The following LRRC37A variants were observed in gnomAD, a reference collection of about 807,000 sequenced individuals.
LRRC37A encodes leucine rich repeat containing 37A.
LRRC37A carries 3 observed loss-of-function variants against 35.4 expected under a neutral mutation model. That is an observed-to-expected ratio of 0.08 (90% CI 0.04 to 0.22). The LOEUF is 0.22. Ranked by LOEUF, LRRC37A falls within the 10% of genes least tolerant of loss-of-function variation. The pLI is 1.00. For synonymous variants in LRRC37A, 23 were observed against 215.0 expected (o/e 0.11, Z 7.81); for missense variants, 67 against 565.3 (o/e 0.12, Z 8.94).
chr17:46,277,252 C>T, the LRRC37A span, among the ~76,000 whole-genome samples: 9 of 152,214 alleles, frequency 5.9e-5, no homozygotes, highest in African/African-American at 1.7e-4. Flanking sequence ...CTACACTATG[C>T]GGGCCCAGCC....
At chr17:46,255,658 G>T in the LRRC37A span, among the ~76,000 whole-genome samples, 9 of 150,868 alleles carry the variant, frequency 6.0e-5, no homozygotes, top group Non-Finnish European at 1.3e-4. Flanking sequence ...GAGCCACCGC[G>T]CCCGGCCCCC....
At chr17:46,314,634 A>G (rs1234202857) in intron 5 of LRRC37A, among the ~76,000 whole-genome samples, 1 of 72,724 alleles carries the variant, frequency 1.4e-5, no homozygotes, top group African/African-American at 3.5e-5. Flanking sequence ...ATAAATGAAA[A>G]CTTTTTCACT....
upstream of LRRC37A, among the ~76,000 whole-genome samples, chr17:46,287,894 G>GT (rs1363481570): frequency 3.9e-5 from 6 of 152,230 alleles, no homozygotes; most frequent in Non-Finnish European, 5.9e-5. Flanking sequence ...AAAAGTAAAT[G>GT]TAACAAACGC....
At chr17:46,286,133 G>C in the LRRC37A span, among the ~76,000 whole-genome samples, 1 of 152,252 alleles carries the variant, frequency 6.6e-6, no homozygotes, top group African/African-American at 2.4e-5. Flanking sequence ...AAACAGATGG[G>C]ATGATGTTAC....
At chr17:46,274,161 A>G in the LRRC37A span, among the ~76,000 whole-genome samples, 1 of 152,350 alleles carries the variant, frequency 6.6e-6, no homozygotes, top group African/African-American at 2.4e-5. Context: ...ACAGATAATC[A>G]TTAGCACACA....
the LRRC37A span, among the ~76,000 whole-genome samples, chr17:46,272,337 A>C: frequency 6.6e-6 from 1 of 152,262 alleles, no homozygotes; most frequent in East Asian, 1.9e-4. Flanking sequence ...AGATCTTAAT[A>C]GCAGAAGCTT....
chr17:46,271,124 AC>A, the LRRC37A span, among the ~76,000 whole-genome samples: 1 of 151,094 alleles, frequency 6.6e-6, no homozygotes, highest in African/African-American at 2.4e-5. Flanking sequence ...CCCCATTCTC[AC>A]ATTAAGGGCA....
the LRRC37A span, among the ~76,000 whole-genome samples, chr17:46,259,389 G>A: frequency 6.6e-6 from 1 of 152,194 alleles, no homozygotes; most frequent in East Asian, 1.9e-4. Flanking sequence ...GCTGCCCCCA[G>A]GTGCCATAGG....
the LRRC37A span, among the ~76,000 whole-genome samples, chr17:46,287,115 C>A: frequency 4.6e-5 from 7 of 151,610 alleles, no homozygotes; most frequent in Non-Finnish European, 1.0e-4. Context: ...CCATTCTACC[C>A]CTGGCAAACT....
chr17:46,249,585 C>T, the LRRC37A span, among the ~76,000 whole-genome samples: 2 of 152,144 alleles, frequency 1.3e-5, no homozygotes, highest in Non-Finnish European at 2.9e-5. Context: ...TTGTTGCCAA[C>T]AATGGAAACA....
the LRRC37A span, among the ~76,000 whole-genome samples, chr17:46,251,169 T>C: frequency 6.6e-6 from 1 of 152,254 alleles, no homozygotes; most frequent in African/African-American, 2.4e-5. Flanking sequence ...TCTGCTTACC[T>C]TAGTCCCGTG....
At chr17:46,288,787 T>G (rs2143437403), upstream of LRRC37A, among the ~76,000 whole-genome samples, 1 of 151,736 alleles carries the variant, frequency 6.6e-6, no homozygotes, top group Non-Finnish European at 1.5e-5. Context: ...CAGTGTACCC[T>G]GCACCTCCCA....
At chr17:46,284,279 C>A in the LRRC37A span, among the ~76,000 whole-genome samples, 2 of 148,668 alleles carry the variant, frequency 1.3e-5, no homozygotes, top group African/African-American at 2.4e-5. Flanking sequence ...GAGGTCCCTG[C>A]GGCCTTCCGC....
chr17:46,248,355 G>T, the LRRC37A span, among the ~76,000 whole-genome samples: 23 of 152,064 alleles, frequency 1.5e-4, no homozygotes, highest in Admixed American at 1.5e-3. Flanking sequence ...AAGCATTTCT[G>T]TCGCCTCAAA....
the LRRC37A span, among the ~76,000 whole-genome samples, chr17:46,255,766 C>T: frequency 6.6e-6 from 1 of 150,814 alleles, no homozygotes; most frequent in East Asian, 2.0e-4. Flanking sequence ...AGCTCTGCTT[C>T]CTGGGTTCAC....
At chr17:46,285,604 G>A in the LRRC37A span, among the ~76,000 whole-genome samples, 2 of 152,148 alleles carry the variant, frequency 1.3e-5, no homozygotes, top group African/African-American at 4.8e-5. Context: ...CTCAATCCAT[G>A]GGAGTGAGAG....
the LRRC37A span, among the ~76,000 whole-genome samples, chr17:46,270,556 TA>T: frequency 5.3e-5 from 8 of 152,114 alleles, no homozygotes; most frequent in Non-Finnish European, 7.3e-5. Flanking sequence ...TTCTTTAAGA[TA>T]AAAAAAATTA....
chr17:46,331,663 T>C, exon 9 of LRRC37A: 1 of 897,282 alleles, frequency 1.1e-6, no homozygotes, highest in Non-Finnish European at 1.8e-6. Flanking sequence ...AAAGCTTCAA[T>C]TACCCATTGC....
chr17:46,253,455 C>A, the LRRC37A span, among the ~76,000 whole-genome samples: 1 of 152,146 alleles, frequency 6.6e-6, no homozygotes, highest in African/African-American at 2.4e-5. Flanking sequence ...CCAGCCTGGG[C>A]ACCACTGAGC....
Sources: gnomAD v4.1 joint callset for allele counts (sites outside exome capture counted in the v4.1 genomes callset) on GRCh38, gnomAD v4.1.1 for gene constraint, MANE v1.5 for transcripts, NCBI Gene and HGNC (gene_info 2026-07-23, HGNC 2026-07-21) for gene names.